The following TXNRD3 variants were observed in gnomAD, a reference collection of about 807,000 sequenced individuals.
TXNRD3 encodes the protein thioredoxin reductase 3.
In TXNRD3, 68 loss-of-function variants were observed where a neutral mutation model predicts 78.2. The observed-to-expected ratio is 0.87, with a 90% CI of 0.72 to 1.06. The LOEUF is 1.06. Ranked by LOEUF, TXNRD3 falls within the 50% of genes least tolerant of loss-of-function variation. The pLI, the probability that TXNRD3 is intolerant of heterozygous loss-of-function variation, is 0.00. For missense variants in TXNRD3, 751 were observed against 809.5 expected, an observed-to-expected ratio of 0.93 and a Z score of 0.88; for synonymous variants, 296 against 300.1, an observed-to-expected ratio of 0.99 and a Z score of 0.14.
chr3:126,642,801 T>G (rs1351947708), intron 5 of TXNRD3, among the ~76,000 whole-genome samples: 1 of 152,252 alleles, frequency 6.6e-6, no homozygotes, highest in Non-Finnish European at 1.5e-5. Flanking sequence ...CATAAAATTC[T>G]AGGCTATAAC....
rs184618265 is a variant in TXNRD3 at position 126,619,298 on chromosome 3, G to T, written c.1524+2444C>A. ...AGCACTATTCAAAACAGGAAAAAATGGACTCAACCTAAGCATCCATAATGC... is the reference window on the plus strand; with the variant it reads ...AGCACTATTCAAAACAGGAAAAAATTGACTCAACCTAAGCATCCATAATGC... On this transcript the variant is annotated intron_variant, in intron 12 of 15. Coordinates refer to ENST00000524230, the MANE Select transcript of TXNRD3 (RefSeq NM_052883.3). Among the ~76,000 whole-genome samples the T allele has an allele frequency of 4.5e-3, 685 of 152,100 alleles. 5 individuals carry two copies. The highest frequency in any genetic ancestry group is 0.016 in the African/African-American group (656 of 41,482).
intron 14 of TXNRD3, chr3:126,609,061 A>G: frequency 3.2e-6 from 1 of 311,798 alleles, no homozygotes; most frequent in African/African-American, 2.2e-5. Context: ...TCAAGTGGAG[A>G]CAAAGGAGAG....
chr3:126,649,469 TAATC>T (rs1201908476), intron 1 of TXNRD3, among the ~76,000 whole-genome samples: 1 of 152,154 alleles, frequency 6.6e-6, no homozygotes, highest in Non-Finnish European at 1.5e-5. Context: ...AAATATCACA[TAATC>T]AAGCAACTCC....
intron 8 of TXNRD3, 84 bp from the exon 9 acceptor site, chr3:126,631,021 G>T: frequency 7.7e-7 from 1 of 1,297,802 alleles, no homozygotes; most frequent in Non-Finnish European, 1.0e-6. Flanking sequence ...ATGGTCTTGT[G>T]ATGACTGAAT....
chr3:126,630,826 T>TGTGA lies in TXNRD3; in HGVS notation c.1079_1082dup (p.Val362HisfsTer56). The TGTGA allele has an allele frequency of 6.5e-7, 1 of 1,535,800 alleles. No individual in the cohort carries two copies. The highest frequency in any genetic ancestry group is 8.7e-7 in the Non-Finnish European group (1 of 1,146,870). ...GGAGAAGGATTGAGCGTACCATAACTGTGACATCTAGGCCAAAGCCAGCCA... is the reference window on the plus strand; with the variant it reads ...GGAGAAGGATTGAGCGTACCATAACTGTGAGTGACATCTAGGCCAAAGCCAGCCA... On this transcript the variant is annotated frameshift_variant, in exon 9 of 16. Transcript: ENST00000524230. LOFTEE classifies it high-confidence loss of function.
rs370602734 is a variant in TXNRD3, at chr3:126,648,695, C to T, written c.244-1399G>A. Among the ~76,000 whole-genome samples, 170 of 152,234 alleles carry T rather than the reference C, an allele frequency of 1.1e-3. 1 individual carries two copies. The highest frequency in any genetic ancestry group is 3.7e-3 in the African/African-American group (154 of 41,532). ...CTAACGCCATGTATGGAAATTAACT[C>T]GAAATGGGTCAAAGACCCAAATGTC... On this transcript the variant is annotated intron_variant, in intron 1 of 15. Coordinates refer to ENST00000524230, the MANE Select transcript of TXNRD3 (RefSeq NM_052883.3).
intron 13 of TXNRD3, among the ~76,000 whole-genome samples, chr3:126,614,538 T>C (rs979966661): frequency 1.8e-4 from 28 of 152,146 alleles, no homozygotes; most frequent in Admixed American, 1.8e-3. Flanking sequence ...ATATAAACAG[T>C]TAGTTATAAA....
chr3:126,633,825 C>T, intron 7 of TXNRD3, 84 bp downstream of exon 7: 2 of 1,197,696 alleles, frequency 1.7e-6, no homozygotes, highest in Admixed American at 6.1e-5. Flanking sequence ...CACCCCTTAA[C>T]ATGCAACATG....
chr3:126,621,644 C>G (rs1337163084), intron 12 of TXNRD3, 98 bp downstream of exon 12: 7 of 1,169,252 alleles, frequency 6.0e-6, no homozygotes, highest in African/African-American at 4.6e-5. Flanking sequence ...TCTGAGGAAC[C>G]CTTTACTTGG....
At chr3:126,625,316 C>G (rs1337911359) in intron 10 of TXNRD3, among the ~76,000 whole-genome samples, 1 of 105,612 alleles carries the variant, frequency 9.5e-6, no homozygotes, top group Non-Finnish European at 1.8e-5. Flanking sequence ...TCCCCCCACC[C>G]CACAACAGGC....
At chr3:126,628,256 G>A (rs773552228) in intron 10 of TXNRD3, among the ~76,000 whole-genome samples, 4 of 152,048 alleles carry the variant, frequency 2.6e-5, no homozygotes, top group African/African-American at 9.7e-5. Context: ...TTAGTGAAAC[G>A]TCTTTTCTTT....
chr3:126,616,821 C>T (rs1258300646), intron 12 of TXNRD3, among the ~76,000 whole-genome samples: 1 of 152,192 alleles, frequency 6.6e-6, no homozygotes, highest in African/African-American at 2.4e-5. Context: ...TTGCATACAA[C>T]ACAGGTAAGT....
chr3:126,607,290 T>C lies in TXNRD3; in HGVS notation c.*615A>G, dbSNP rs932013872. ...GGTTATCACCACCAAGTAGTGAGTG[T>C]GAGGGTGAAGCATGAGTCAGCGTTT... On this transcript the variant is annotated 3_prime_UTR_variant, in exon 16 of 16. Coordinates refer to ENST00000524230, the MANE Select transcript of TXNRD3 (RefSeq NM_052883.3). 2.0e-5 allele frequency: 3 copies of C among 152,308 alleles called. No homozygotes were observed. The highest frequency in any genetic ancestry group is 4.4e-5 in the Non-Finnish European group (3 of 68,040). The allele number at this position is 152,308 out of a possible 1,614,324, so 9.4% of individuals were successfully genotyped here.
intron 12 of TXNRD3, among the ~76,000 whole-genome samples, chr3:126,619,239 A>T (rs1461921793): frequency 6.6e-6 from 1 of 152,192 alleles, no homozygotes; most frequent in Non-Finnish European, 1.5e-5. Flanking sequence ...GAATCAGTGT[A>T]TCAAAAAGAT....
chr3:126,608,187 C>G (rs1938100738), intron 15 of TXNRD3, among the ~76,000 whole-genome samples: 1 of 151,640 alleles, frequency 6.6e-6, no homozygotes, highest in Non-Finnish European at 1.5e-5. Context: ...ATGGTGAAAC[C>G]CCATCTCTAC....
At chr3:126,642,202 A>T in intron 5 of TXNRD3, 51 bp from the exon 6 acceptor site, 1 of 1,496,970 alleles carries the variant, frequency 6.7e-7, no homozygotes, top group Non-Finnish European at 8.9e-7. Context: ...AGTTTCACAC[A>T]TCTGCAATCA....
intron 10 of TXNRD3, among the ~76,000 whole-genome samples, chr3:126,623,543 T>C (rs1244245800): frequency 5.9e-5 from 9 of 152,262 alleles, no homozygotes; most frequent in Middle Eastern, 3.4e-3. Context: ...TGGTTTAACA[T>C]ACAAAAATCC....
Position 126,646,093 on chromosome 3 carries a change from A to G in TXNRD3, c.414+18T>C. 6.7e-7 allele frequency: 1 copy of G among 1,493,774 alleles called. No individual in the cohort carries two copies. Among genetic ancestry groups the G allele is most frequent in the Non-Finnish European group, 8.9e-7 (1 of 1,122,264 alleles). The allele number at this position is 1,493,774 out of a possible 1,614,324, so 92.5% of individuals were successfully genotyped here. On this transcript the variant is annotated intron_variant, in intron 3 of 15. Coordinates refer to ENST00000524230, the MANE Select transcript of TXNRD3 (RefSeq NM_052883.3). The stretch of plus-strand genomic sequence containing the variant: ...ATATGAACAAACAGCATTGAAGAAC[A>G]TATAATAGTATTATTACCTGGAAAG...
chr3:126,622,428 T>C (rs1322553026), intron 11 of TXNRD3, 36 bp downstream of exon 11: 13 of 1,409,818 alleles, frequency 9.2e-6, no homozygotes, highest in Non-Finnish European at 1.1e-5. Context: ...CCTGTTGCTT[T>C]GTGCAGCAAC....
Sources: allele counts gnomAD v4.1 joint callset (sites outside exome capture counted in the v4.1 genomes callset), GRCh38; gene constraint gnomAD v4.1.1; transcripts MANE v1.5; gene names NCBI Gene and HGNC (gene_info 2026-07-23, HGNC 2026-07-21).